Variants in ZDHHC14 observed in about 807,000 individuals in gnomAD.
The protein encoded by ZDHHC14 is palmitoyltransferase ZDHHC14.
In ZDHHC14, 16 loss-of-function variants were observed where a neutral mutation model predicts 47.7. That is an observed-to-expected ratio of 0.34 (90% CI 0.23 to 0.51). ZDHHC14 has a LOEUF of 0.51. Ranked by LOEUF, ZDHHC14 falls within the 20% of genes least tolerant of loss-of-function variation. ZDHHC14 has a pLI of 0.97. For synonymous variants in ZDHHC14, 293 were observed against 278.9 expected, an observed-to-expected ratio of 1.05 and a Z score of -0.50; for missense variants, 515 against 662.5, an observed-to-expected ratio of 0.78 and a Z score of 2.44.
At chr6:157,574,307 C>A (rs1335573549) in intron 2 of ZDHHC14, among the ~76,000 whole-genome samples, 1 of 152,044 alleles carries the variant, frequency 6.6e-6, no homozygotes, top group East Asian at 1.9e-4. Flanking sequence ...CCTGTAATCC[C>A]AGCTACTCCA....
At chr6:157,627,083 C>T (rs1250439607) in intron 3 of ZDHHC14, among the ~76,000 whole-genome samples, 1 of 152,186 alleles carries the variant, frequency 6.6e-6, no homozygotes, top group Non-Finnish European at 1.5e-5. Flanking sequence ...TGGCAGGCAG[C>T]AATGATTATC....
chr6:157,468,961 A>G (rs770565009), intron 1 of ZDHHC14, among the ~76,000 whole-genome samples: 6 of 152,220 alleles, frequency 3.9e-5, no homozygotes, highest in Non-Finnish European at 7.3e-5. Context: ...CCAGGTCTCT[A>G]TTCCCCTAGG....
intron 7 of ZDHHC14, among the ~76,000 whole-genome samples, chr6:157,649,771 T>C (rs775978741): frequency 5.3e-5 from 8 of 152,222 alleles, no homozygotes; most frequent in Non-Finnish European, 1.0e-4. Context: ...TGGCTGGGTA[T>C]GGCCAGGTTT....
chr6:157,523,472 C>T (rs1781034743), intron 1 of ZDHHC14, among the ~76,000 whole-genome samples: 1 of 152,280 alleles, frequency 6.6e-6, no homozygotes, highest in Middle Eastern at 3.4e-3. Flanking sequence ...TCATCAGCTG[C>T]TTTGCAAACT....
intron 1 of ZDHHC14, among the ~76,000 whole-genome samples, chr6:157,405,457 C>G (rs1010939099): frequency 6.6e-6 from 1 of 152,178 alleles, no homozygotes; most frequent in Non-Finnish European, 1.5e-5. Context: ...TGGTCTCGAT[C>G]TCCTGACCTC....
chr6:157,538,676 C>G (rs189982015), intron 1 of ZDHHC14, among the ~76,000 whole-genome samples: 38 of 152,212 alleles, frequency 2.5e-4, no homozygotes, highest in Admixed American at 2.4e-3. Context: ...AGGAGAGGAG[C>G]AAAGAAAAAC....
chr6:157,428,500 C>A (rs997682002), intron 1 of ZDHHC14, among the ~76,000 whole-genome samples: 1 of 152,124 alleles, frequency 6.6e-6, no homozygotes, highest in Non-Finnish European at 1.5e-5. Context: ...GGTCATCTTA[C>A]ATAAAAGGGT....
At chr6:157,521,112 G>A (rs1780895282) in intron 1 of ZDHHC14, among the ~76,000 whole-genome samples, 1 of 152,204 alleles carries the variant, frequency 6.6e-6, no homozygotes, top group South Asian at 2.1e-4. Context: ...GATGTTTATT[G>A]AAAGCCGGCC....
rs111466838 is a variant in ZDHHC14 at position 157,418,908 on chromosome 6, G to A, written c.245+36642G>A. 6.8e-3 allele frequency among the ~76,000 whole-genome samples: 1,030 copies of A among 152,258 alleles called. 13 individuals carry two copies. The highest frequency in any genetic ancestry group is 0.023 in the African/African-American group (951 of 41,548). On this transcript the variant is annotated intron_variant, in intron 1 of 8. Coordinates refer to ENST00000359775, the MANE Select transcript of ZDHHC14 (RefSeq NM_024630.3). ...ACTAAGCTGGGTAGAAAGCACTCAG[G>A]GAACTTTTAGCAATTCAGTTATTAT...
chr6:157,439,515 G>A (rs2114790218), intron 1 of ZDHHC14, among the ~76,000 whole-genome samples: 1 of 152,292 alleles, frequency 6.6e-6, no homozygotes, highest in East Asian at 1.9e-4. Flanking sequence ...AACAACAGAT[G>A]CTGGCAAGGC....
intron 2 of ZDHHC14, among the ~76,000 whole-genome samples, chr6:157,547,284 G>A (rs536933826): frequency 5.9e-5 from 9 of 152,250 alleles, no homozygotes; most frequent in East Asian, 5.8e-4. Flanking sequence ...CTTGTAGTAC[G>A]CAGAACCAAT....
At chr6:157,646,839 C>T (rs1471808457) in intron 6 of ZDHHC14, among the ~76,000 whole-genome samples, 2 of 151,990 alleles carry the variant, frequency 1.3e-5, no homozygotes, top group Non-Finnish European at 2.9e-5. Flanking sequence ...TTGGTAGCTA[C>T]AAATATTAGA....
At chr6:157,634,467 C>T (rs34191344) in intron 5 of ZDHHC14, among the ~76,000 whole-genome samples, 2 of 152,110 alleles carry the variant, frequency 1.3e-5, no homozygotes, top group African/African-American at 2.4e-5. Flanking sequence ...GACATCCCCC[C>T]ACTATCACCT....
At chr6:157,527,963 T>G (rs1781218404) in intron 1 of ZDHHC14, among the ~76,000 whole-genome samples, 1 of 152,228 alleles carries the variant, frequency 6.6e-6, no homozygotes, top group Non-Finnish European at 1.5e-5. Flanking sequence ...CTTTGCCATC[T>G]GCTTGGCAAA....
chr6:157,464,810 C>T (rs1779166948), intron 1 of ZDHHC14, among the ~76,000 whole-genome samples: 1 of 152,220 alleles, frequency 6.6e-6, no homozygotes, highest in African/African-American at 2.4e-5. Flanking sequence ...TCTGCCTGAT[C>T]CTGGCTGCCA....
chr6:157,553,098 G>T (rs1782309825), intron 2 of ZDHHC14, among the ~76,000 whole-genome samples: 2 of 152,166 alleles, frequency 1.3e-5, no homozygotes, highest in South Asian at 4.1e-4. Context: ...AGCAGAGTTG[G>T]GAGCAGTGGA....
At chr6:157,493,010 T>C (rs1232918771) in intron 1 of ZDHHC14, among the ~76,000 whole-genome samples, 5 of 152,084 alleles carry the variant, frequency 3.3e-5, no homozygotes, top group Admixed American at 3.3e-4. Context: ...GGGAAGCCTC[T>C]GGAGGGTTTG....
chr6:157,594,630 T>C (rs1474148974), intron 3 of ZDHHC14, among the ~76,000 whole-genome samples: 1 of 152,214 alleles, frequency 6.6e-6, no homozygotes, highest in Non-Finnish European at 1.5e-5. Context: ...TAGTTTTGAT[T>C]GGCTTTCTCT....
chr6:157,617,823 C>G (rs1479702872), intron 3 of ZDHHC14, among the ~76,000 whole-genome samples: 1 of 152,196 alleles, frequency 6.6e-6, no homozygotes, highest in Non-Finnish European at 1.5e-5. Flanking sequence ...ACTGGCAATT[C>G]CATTTCTCTC....
Sources: gnomAD v4.1 joint callset for allele counts (sites outside exome capture counted in the v4.1 genomes callset) on GRCh38, gnomAD v4.1.1 for gene constraint, MANE v1.5 for transcripts, NCBI Gene and HGNC (gene_info 2026-07-23, HGNC 2026-07-21) for gene names.